The following MOB3A variants were observed in gnomAD, a reference collection of about 807,000 sequenced individuals.
The protein encoded by MOB3A is MOB kinase activator 3A.
Under a neutral mutation model 17.8 loss-of-function variants are expected in MOB3A, and 17 were observed. The ratio of observed to expected loss-of-function variants is 0.95; its 90% CI spans 0.65 to 1.43. The LOEUF is 1.43. MOB3A is among the 40% of genes most tolerant of loss of function. The pLI is 0.00. For synonymous variants in MOB3A, 124 were observed against 133.2 expected, an observed-to-expected ratio of 0.93 and a Z score of 0.48; for missense variants, 333 against 310.8, an observed-to-expected ratio of 1.07 and a Z score of -0.54.
Position 2,093,150 on chromosome 19 carries a change from C to T in MOB3A, c.-274+3076G>A, listed in dbSNP as rs1281075799. ...GGTCCCTAAGGTGGGAGGATACCTC[C>T]TTGGAAGGGAATTTTTTTTTTTTTC... On this transcript the variant is annotated intron_variant, in intron 1 of 4. Coordinates refer to ENST00000357066, the MANE Select transcript of MOB3A (RefSeq NM_130807.3). The surrounding 1 kb of genome is among the most constrained non-coding windows in gnomAD (Gnocchi z 4.6). 1.3e-5 allele frequency among the ~76,000 whole-genome samples: 2 copies of T among 151,992 alleles called. No homozygotes were observed. The highest frequency in any genetic ancestry group is 4.8e-5 in the African/African-American group (2 of 41,380).
chr19:2,088,936 T>C (rs999949797), intron 1 of MOB3A, among the ~76,000 whole-genome samples: 2 of 152,168 alleles, frequency 1.3e-5, no homozygotes, highest in Non-Finnish European at 2.9e-5. Flanking sequence ...TTTTTACAAA[T>C]TGCCAACCTC....
Position 2,089,937 on chromosome 19 carries a change from AC to A in MOB3A, c.-273-4610del, listed in dbSNP as rs575334396. 22 of 151,456 alleles carry A rather than the reference AC, an allele frequency of 1.5e-4. No individual in the cohort carries two copies. In the South Asian group the frequency reaches 4.2e-3, roughly 29 times the overall value. 9.4% of individuals were successfully genotyped at this position (151,456 alleles called of 1,614,324 possible). On this transcript the variant is annotated intron_variant, in intron 1 of 4. Coordinates refer to ENST00000357066, the MANE Select transcript of MOB3A (RefSeq NM_130807.3). ...CTCTAGTTGTGACAAACACAAATGC[AC>A]CCCCCGCACTGCCCCGTATTTCCAA... is the stretch of plus-strand genomic sequence containing the variant.
At chr19:2,076,408 G>T (rs112181882) in intron 4 of MOB3A, among the ~76,000 whole-genome samples, 1 of 152,162 alleles carries the variant, frequency 6.6e-6, no homozygotes, top group Non-Finnish European at 1.5e-5. Context: ...CTCCAGCCTG[G>T]GTGACAGAGT....
intron 2 of MOB3A, among the ~76,000 whole-genome samples, chr19:2,083,504 T>C (rs1176237475): frequency 1.3e-5 from 2 of 152,108 alleles, no homozygotes; most frequent in Non-Finnish European, 2.9e-5. Flanking sequence ...AGCGAGATGC[T>C]CCTCCACGCT....
At chr19:2,083,325 C>T (rs935780844) in intron 2 of MOB3A, among the ~76,000 whole-genome samples, 2 of 152,192 alleles carry the variant, frequency 1.3e-5, no homozygotes, top group African/African-American at 4.8e-5. Context: ...GACCTGAGGC[C>T]CTTCGCCAGT....
chr19:2,096,350 A>G (rs1233829608), upstream of MOB3A: 4 of 155,090 alleles, frequency 2.6e-5, no homozygotes, highest in African/African-American at 9.6e-5. Context: ...CCCCACACGC[A>G]TGCCCGACCG....
In MOB3A at chr19:2,071,885, TAA is replaced by T. The variant is rs948273243; in HGVS notation, c.*1508_*1509del. 5 of 152,176 alleles carry T rather than the reference TAA, an allele frequency of 3.3e-5. No individual in the cohort carries two copies. The highest frequency in any genetic ancestry group is 5.9e-5 in the Non-Finnish European group (4 of 68,108). 9.4% of individuals were successfully genotyped at this position (152,176 alleles called of 1,614,324 possible). A position where few individuals can be genotyped will look rare whatever the true frequency, so the allele number is the denominator to read the frequency against. ...GGCAGAGAGCTCACTATGTTATCGA[TAA>T]AAAAATTCTTGGCCGGGCACAGTGG... is the stretch of plus-strand genomic sequence containing the variant. On this transcript the variant is annotated 3_prime_UTR_variant, in exon 5 of 5. Transcript: ENST00000357066.
In MOB3A at chr19:2,085,348, A is replaced by G. The variant is rs28408648; in HGVS notation, c.-273-20T>C. 0.25 allele frequency: 37,956 copies of G among 151,626 alleles called. 5,735 individuals are homozygous for G. The highest frequency in any genetic ancestry group is 0.43 in the African/African-American group (17,726 of 41,228). 9.4% of individuals were successfully genotyped at this position (151,626 alleles called of 1,614,324 possible). Reference sequence around the variant, plus strand: ...AAACTTCTAGAGAAATGAAAGGTGAAATGACAAATTCCCCTGCTGCAACAC... The same window carrying G: ...AAACTTCTAGAGAAATGAAAGGTGAGATGACAAATTCCCCTGCTGCAACAC... On this transcript the variant is annotated intron_variant, in intron 1 of 4. Transcript: ENST00000357066.
chr19:2,084,055 A>G, intron 2 of MOB3A: 1 of 439,526 alleles, frequency 2.3e-6, no homozygotes, highest in Non-Finnish European at 4.6e-6. Flanking sequence ...TACAGGCGTG[A>G]GCCACCGTGC....
intron 1 of MOB3A, among the ~76,000 whole-genome samples, chr19:2,094,764 A>T (rs2017652197): frequency 6.6e-6 from 1 of 152,274 alleles, no homozygotes; most frequent in Admixed American, 6.5e-5. Flanking sequence ...AACACGCAAA[A>T]CACAATGTCA....
intron 2 of MOB3A, among the ~76,000 whole-genome samples, chr19:2,080,957 A>G (rs1353727473): frequency 6.6e-6 from 1 of 152,108 alleles, no homozygotes; most frequent in East Asian, 1.9e-4. Context: ...CCTGAGCAAC[A>G]TGGCAAGACC....
chr19:2,079,529 G>A (rs1248202501), intron 2 of MOB3A, among the ~76,000 whole-genome samples: 1 of 152,204 alleles, frequency 6.6e-6, no homozygotes, highest in Non-Finnish European at 1.5e-5. Context: ...TTCCACAAGC[G>A]AAGGGTCGCC....
intron 1 of MOB3A, among the ~76,000 whole-genome samples, chr19:2,095,704 C>A (rs536957715): frequency 6.6e-6 from 1 of 151,958 alleles, no homozygotes; most frequent in African/African-American, 2.4e-5. Context: ...CCTGAAGGAT[C>A]CGGCTTCCCT....
intron 2 of MOB3A, chr19:2,084,069 G>T (rs1423406566): frequency 2.2e-6 from 1 of 453,834 alleles, no homozygotes; most frequent in Non-Finnish European, 4.4e-6. Flanking sequence ...ACCGTGCCTG[G>T]CTGAGGCTTA....
At position 2,078,360 on chromosome 19, in the gene MOB3A, GT is replaced by G. The variant is rs1190592417; in HGVS notation, c.200del (p.Asp67AlafsTer56). ...AGATGAGGTTGACGCGGTTAAAGAA[GT>G]CCACCACGTGAACAGCCACCCAGTC... is the stretch of plus-strand genomic sequence containing the variant. ...LNDWVAVHVV[D>X]FFNRVNLIYG... is the part of the protein sequence containing the mutation. On this transcript the variant is annotated frameshift_variant, in exon 3 of 5. Transcript: ENST00000357066. LOFTEE classifies it high-confidence loss of function. The G allele has an allele frequency of 2.5e-6, 4 of 1,614,204 alleles. No individual in the cohort carries two copies. Among genetic ancestry groups the G allele is most frequent in the Non-Finnish European group, 3.4e-6 (4 of 1,180,030 alleles).
At chr19:2,077,231 T>TA (rs1353073816) in intron 3 of MOB3A, among the ~76,000 whole-genome samples, 4 of 152,006 alleles carry the variant, frequency 2.6e-5, no homozygotes, top group African/African-American at 9.7e-5. Flanking sequence ...AGAAACCCCA[T>TA]CTTTACTAAA....
chr19:2,075,183 T>G (rs1054886193), intron 4 of MOB3A, among the ~76,000 whole-genome samples: 6 of 152,092 alleles, frequency 3.9e-5, no homozygotes, highest in Non-Finnish European at 7.4e-5. Flanking sequence ...CACGCACCAC[T>G]GTGCCTGGCT....
intron 1 of MOB3A, among the ~76,000 whole-genome samples, chr19:2,085,963 CAAAAAAAA>C (rs1036097194): frequency 6.0e-4 from 20 of 33,398 alleles, no homozygotes; most frequent in African/African-American, 2.3e-3. Context: ...GACTCTGTCT[CAAAAAAAA>C]AAAAAAAAAA....
At chr19:2,079,238 C>T (rs558172060) in intron 2 of MOB3A, among the ~76,000 whole-genome samples, 17 of 152,384 alleles carry the variant, frequency 1.1e-4, no homozygotes, top group Admixed American at 9.1e-4. Flanking sequence ...ATGCCTGGCC[C>T]GGACCTAGAC....
Sources: gnomAD v4.1 joint callset for allele counts (sites outside exome capture counted in the v4.1 genomes callset) on GRCh38, gnomAD v4.1.1 for gene constraint, Gnocchi (gnomAD v3.1) non-coding constraint, MANE v1.5 for transcripts, NCBI Gene and HGNC (gene_info 2026-07-23, HGNC 2026-07-21) for gene names.